The following MYO15B variants were observed in gnomAD, a reference collection of about 807,000 sequenced individuals.
The protein encoded by MYO15B is myosin XVB, also known as myosin XVB pseudogene.
MYO15B carries 207 observed loss-of-function variants against 119.3 expected under a neutral mutation model. The ratio of observed to expected loss-of-function variants is 1.73; its 90% CI spans 1.55 to 1.95. MYO15B has a LOEUF of 1.95. MYO15B is among the 30% of genes most tolerant of loss of function. The pLI, the probability that MYO15B is intolerant of heterozygous loss-of-function variation, is 0.00. For missense variants in MYO15B, 2,264 were observed against 1,203.1 expected (o/e 1.88, Z -13.04); for synonymous variants, 966 against 498.9 (o/e 1.94, Z -12.48).
intron 15 of MYO15B, among the ~76,000 whole-genome samples, 161 bp downstream of exon 15, chr17:75,601,724 C>T (rs1166064222): frequency 3.3e-5 from 5 of 152,226 alleles, no homozygotes; most frequent in Admixed American, 2.0e-4. Context: ...GTTCTGAGCA[C>T]GGTTTACTGA....
chr17:75,608,115 TTTAA>T (rs1474348247), intron 21 of MYO15B, among the ~76,000 whole-genome samples: 20 of 152,154 alleles, frequency 1.3e-4, no homozygotes, highest in Non-Finnish European at 1.8e-4. Context: ...GTTTTTAGTT[TTTAA>T]TTAATTAATT....
chr17:75,588,737 C>CG lies in MYO15B; in HGVS notation c.684dup (p.Pro229AlafsTer203), dbSNP rs200226778. Reference sequence around the variant, plus strand: ...CGGGGCCGGGAAGGGTCGTCGGGGACGGGGCCCCTGGGAGCCAGCGAGCAT... The same window carrying CG: ...CGGGGCCGGGAAGGGTCGTCGGGGACGGGGGCCCCTGGGAGCCAGCGAGCAT... On this transcript the variant is annotated frameshift_variant, in exon 1 of 64. Coordinates refer to ENST00000645453, the Ensembl canonical transcript of MYO15B. LOFTEE classifies it high-confidence loss of function. The CG allele has an allele frequency of 0.089, 35,506 of 398,870 alleles. 1,745 individuals are homozygous for CG. Among genetic ancestry groups the CG allele is most frequent in the Middle Eastern group, 0.15 (244 of 1,588 alleles). The allele number at this position is 398,870 out of a possible 1,614,324, so 24.7% of individuals were successfully genotyped here.
chr17:75,602,637 G>A (rs1171525416), intron 16 of MYO15B, 43 bp downstream of exon 16: 14 of 633,672 alleles, frequency 2.2e-5, no homozygotes, highest in Admixed American at 7.5e-5. Flanking sequence ...TCCATACTCT[G>A]TCCCCCAATT....
Position 75,613,120 on chromosome 17 carries a change from T to TG in MYO15B, c.4879dup (p.Glu1627GlyfsTer34), listed in dbSNP as rs757854472. 4 of 702,742 alleles carry TG rather than the reference T, an allele frequency of 5.7e-6. No individual in the cohort carries two copies. The allele number at this position is 702,742 out of a possible 1,614,324, so 43.5% of individuals were successfully genotyped here. A position where few individuals can be genotyped will look rare whatever the true frequency, so the allele number is the denominator to read the frequency against. Reference sequence around the variant, plus strand: ...TGGCCCAGCTATGGCAGAACCCAGATGAACAGCAGAGCCAGCGTGGCTGGG... The same window carrying TG: ...TGGCCCAGCTATGGCAGAACCCAGATGGAACAGCAGAGCCAGCGTGGCTGGG... On this transcript the variant is annotated frameshift_variant, in exon 27 of 64. Coordinates refer to ENST00000645453, the Ensembl canonical transcript of MYO15B. LOFTEE classifies it high-confidence loss of function.
chr17:75,615,471 C>T (rs1010463201), intron 34 of MYO15B, 32 bp from the exon 35 acceptor site: 4 of 676,968 alleles, frequency 5.9e-6, no homozygotes, highest in Non-Finnish European at 8.1e-6. Flanking sequence ...GGCCATGGTG[C>T]CCACCACTCT....
exon 30 of MYO15B, chr17:75,614,330 C>T (rs1050101625): frequency 4.3e-6 from 3 of 702,838 alleles, no homozygotes; most frequent in East Asian, 2.7e-5. Flanking sequence ...CCAGCTCGCC[C>T]CCGCAGCTAC....
chr17:75,594,880 C>G, exon 12 of MYO15B: 1 of 703,046 alleles, frequency 1.4e-6, no homozygotes, highest in South Asian at 1.5e-5. Flanking sequence ...CCTCTTCCAC[C>G]GGCTTCTGAG....
Position 75,594,467 on chromosome 17 carries a change from C to T in MYO15B, c.2992-8C>T. ...CAGAGATCTCCCTGTCCCTCCCTCT[C>T]TGTGTAGCGAGAGTCCCAGGAGGTG... On this transcript the variant is annotated splice_polypyrimidine_tract_variant and splice_region_variant and intron_variant, in intron 9 of 63. Coordinates refer to ENST00000645453, the Ensembl canonical transcript of MYO15B. The T allele has an allele frequency of 3.3e-6, 2 of 598,530 alleles. No individual in the cohort carries two copies. Among genetic ancestry groups the T allele is most frequent in the Non-Finnish European group, 6.0e-6 (2 of 334,218 alleles). The allele number at this position is 598,530 out of a possible 1,614,324, so 37.1% of individuals were successfully genotyped here.
chr17:75,590,971 A>C (rs1231822136), exon 3 of MYO15B: 12 of 563,124 alleles, frequency 2.1e-5, no homozygotes, highest in East Asian at 1.2e-4. Flanking sequence ...TTTTCACCTG[A>C]GGTCCAGGCA....
chr17:75,605,989 G>A (rs751751889), exon 21 of MYO15B: 2 of 701,748 alleles, frequency 2.9e-6, no homozygotes, highest in Non-Finnish European at 5.2e-6. Context: ...TCCTGCCCCG[G>A]ATGCAGGCTC....
rs965366717 is a variant in MYO15B, at chr17:75,613,609, C to T, written c.5147-96C>T. ...TGACCCTGATCCCCCTCCCCTCTGT[C>T]CTGCTTTTGAAACTCTCATGGGGAC... On this transcript the variant is annotated intron_variant, in intron 28 of 63. Transcript: ENST00000645453. The T allele has an allele frequency of 4.6e-6, 3 of 659,274 alleles. No homozygotes were observed. The African/African-American group carries it at 5.4e-5, about 12-fold the overall frequency. The allele number at this position is 659,274 out of a possible 1,614,324, so 40.8% of individuals were successfully genotyped here.
intron 13 of MYO15B, 37 bp downstream of exon 13, chr17:75,596,592 C>T (rs1414349120): frequency 7.1e-6 from 5 of 701,808 alleles, no homozygotes; most frequent in South Asian, 3.0e-5. Flanking sequence ...AGGGGCCGCT[C>T]AGGCATTGCC....
At chr17:75,588,479 G>T in exon 1 of MYO15B, 2 of 398,440 alleles carry the variant, frequency 5.0e-6, no homozygotes, top group Non-Finnish European at 8.9e-6. Flanking sequence ...CGGGGCCGCC[G>T]GACGCCCAGG....
intron 21 of MYO15B, among the ~76,000 whole-genome samples, chr17:75,606,773 A>G (rs1485924642): frequency 6.6e-6 from 1 of 151,400 alleles, no homozygotes; most frequent in East Asian, 1.9e-4. Context: ...GTGCCCAGCT[A>G]CAGTCATCTT....
intron 43 of MYO15B, among the ~76,000 whole-genome samples, chr17:75,618,888 G>A (rs7226367): frequency 0.59 from 89,995 of 152,062 alleles, 27,251 homozygotes; most frequent in East Asian, 0.84. Flanking sequence ...CAGTTACCAC[G>A]GGGTCTCTGG....
chr17:75,607,709 C>T (rs771447657), intron 21 of MYO15B, among the ~76,000 whole-genome samples: 7 of 152,140 alleles, frequency 4.6e-5, no homozygotes, highest in Non-Finnish European at 7.4e-5. Context: ...GATCCACCCG[C>T]CTCAGCCTCT....
intron 9 of MYO15B, among the ~76,000 whole-genome samples, chr17:75,593,601 G>T (rs1482239618): frequency 6.7e-6 from 1 of 148,568 alleles, no homozygotes; most frequent in Admixed American, 6.7e-5. Context: ...GTGACAGAGC[G>T]AGACTCCGTC....
exon 47 of MYO15B, chr17:75,619,910 G>A (rs539039594): frequency 5.7e-5 from 40 of 702,480 alleles, no homozygotes; most frequent in South Asian, 5.6e-4. Context: ...GGAGTGCCGG[G>A]GCGGCTCCAC....
intron 61 of MYO15B, 31 bp from the exon 62 acceptor site, chr17:75,625,813 G>A (rs1026556847): frequency 5.7e-6 from 4 of 701,952 alleles, no homozygotes; most frequent in East Asian, 2.7e-5. Context: ...CCAGCAGTCA[G>A]ATTTCCTGCC....
Sources: allele counts gnomAD v4.1 joint callset (sites outside exome capture counted in the v4.1 genomes callset), GRCh38; gene constraint gnomAD v4.1.1; transcripts MANE v1.5; gene names NCBI Gene and HGNC (gene_info 2026-07-23, HGNC 2026-07-21).